Variants in NEGR1 observed in about 807,000 individuals in gnomAD.
NEGR1 encodes IgLON family member 4.
A neutral mutation model predicts 40.9 loss-of-function variants in NEGR1; 10 were observed. The observed-to-expected ratio is 0.24, with a 90% confidence interval of 0.15 to 0.42. The LOEUF (loss-of-function observed/expected upper bound fraction) is 0.42, where lower values mean the gene tolerates loss of function less well. Among genes scored for constraint, NEGR1 ranks in the 10% least tolerant of loss-of-function variants. The probability of loss-of-function intolerance (pLI) is 1.00; values close to 1 mark genes in which losing one functional copy is unlikely to be tolerated. For missense variants in NEGR1, 352 were observed against 438.9 expected, an observed-to-expected ratio of 0.80 and a Z score of 1.77; for synonymous variants, 185 against 166.8, an observed-to-expected ratio of 1.11 and a Z score of -0.84.
chr1:72,261,370 A>C (rs965625945), intron 1 of NEGR1, among the ~76,000 whole-genome samples: 1 of 152,066 alleles, frequency 6.6e-6, no homozygotes, highest in African/African-American at 2.4e-5. Flanking sequence ...TCTTCTAATA[A>C]ATGTATAAGC....
At chr1:71,524,734 T>C (rs1041158677) in intron 6 of NEGR1, among the ~76,000 whole-genome samples, 5 of 151,714 alleles carry the variant, frequency 3.3e-5, no homozygotes, top group African/African-American at 9.7e-5. Flanking sequence ...TAGCTGACTT[T>C]AAAATAGGTA....
chr1:72,149,934 AC>A (rs1453482722), intron 1 of NEGR1, among the ~76,000 whole-genome samples: 2 of 151,584 alleles, frequency 1.3e-5, no homozygotes, highest in Admixed American at 6.6e-5. Context: ...AGAAAAAAAA[AC>A]ACCAAGGACA....
In NEGR1 at chr1:72,044,659, A is replaced by T. The variant is rs1646985885; in HGVS notation, c.177-109348T>A. Reference sequence around the variant, plus strand: ...ATACTTTCATTCAGTGAAAAAACATAAACTCTGATATGATAAATTGTCCTA... The same window carrying T: ...ATACTTTCATTCAGTGAAAAAACATTAACTCTGATATGATAAATTGTCCTA... On this transcript the variant is annotated intron_variant, in intron 1 of 6. Transcript: ENST00000357731. Among the ~76,000 whole-genome samples the T allele has an allele frequency of 2.6e-5, 4 of 151,858 alleles. No individual in the cohort carries two copies. The South Asian group carries it at 8.3e-4, about 31-fold the overall frequency.
intron 1 of NEGR1, among the ~76,000 whole-genome samples, chr1:72,116,678 C>T (rs1208242140): frequency 6.6e-6 from 1 of 151,604 alleles, no homozygotes; most frequent in African/African-American, 2.4e-5. Flanking sequence ...TTTATTCTGA[C>T]TTACAGGTAA....
intron 6 of NEGR1, among the ~76,000 whole-genome samples, chr1:71,519,925 A>G (rs1647143417): frequency 6.6e-6 from 1 of 152,026 alleles, no homozygotes; most frequent in Non-Finnish European, 1.5e-5. Flanking sequence ...GGGGTTTTTA[A>G]AACTTTCTCA....
At chr1:71,684,798 G>T (rs1652972299) in intron 4 of NEGR1, among the ~76,000 whole-genome samples, 1 of 152,050 alleles carries the variant, frequency 6.6e-6, no homozygotes, top group Non-Finnish European at 1.5e-5. Context: ...TAATATGGTT[G>T]GCTTTCAATT....
chr1:72,016,772 G>A (rs904876762), intron 1 of NEGR1, among the ~76,000 whole-genome samples: 8 of 152,282 alleles, frequency 5.3e-5, no homozygotes, highest in South Asian at 2.1e-4. Context: ...TTTACCAGAC[G>A]TAATGAGCAG....
chr1:71,675,560 G>C (rs1424176594), intron 4 of NEGR1, among the ~76,000 whole-genome samples: 6 of 151,928 alleles, frequency 3.9e-5, no homozygotes, highest in African/African-American at 1.5e-4. Context: ...CAGAGAGAGA[G>C]AGAGACAGAG....
chr1:71,784,585 T>A (rs967598076), intron 2 of NEGR1, among the ~76,000 whole-genome samples: 1 of 152,120 alleles, frequency 6.6e-6, no homozygotes, highest in African/African-American at 2.4e-5. Context: ...ATGGTAGTGA[T>A]CAAGAAGAGA....
chr1:71,975,681 C>A (rs1044474092), intron 1 of NEGR1, among the ~76,000 whole-genome samples: 4 of 152,172 alleles, frequency 2.6e-5, no homozygotes, highest in African/African-American at 9.7e-5. Flanking sequence ...GCATCCCATA[C>A]CCTCTTCACT....
intron 1 of NEGR1, among the ~76,000 whole-genome samples, chr1:72,129,997 A>T (rs529646844): frequency 6.6e-6 from 1 of 152,268 alleles, no homozygotes; most frequent in East Asian, 1.9e-4. Context: ...TACACTTCTT[A>T]ACCCAGGTTC....
At position 71,948,692 on chromosome 1, in the gene NEGR1, T is replaced by C. The variant is rs150502352; in HGVS notation, c.177-13381A>G. 6.4e-3 allele frequency among the ~76,000 whole-genome samples: 981 copies of C among 152,218 alleles called. 31 individuals are homozygous for C. Among genetic ancestry groups the C allele is most frequent in the East Asian group, 0.058 (297 of 5,164 alleles). ...GAATCTCCCCACATATCGATGCCTCTCTTGCTAGAGGATCCATCCAGCAGC... is the reference window on the plus strand; with the variant it reads ...GAATCTCCCCACATATCGATGCCTCCCTTGCTAGAGGATCCATCCAGCAGC... On this transcript the variant is annotated intron_variant, in intron 1 of 6. Coordinates refer to ENST00000357731, the MANE Select transcript of NEGR1 (RefSeq NM_173808.3).
At chr1:71,660,153 G>A (rs1478867209) in intron 4 of NEGR1, among the ~76,000 whole-genome samples, 2 of 152,162 alleles carry the variant, frequency 1.3e-5, no homozygotes, top group Non-Finnish European at 2.9e-5. Context: ...CATAAAAAAA[G>A]AACGAGATCA....
intron 4 of NEGR1, among the ~76,000 whole-genome samples, chr1:71,677,426 CTTTAA>C (rs754458220): frequency 1.9e-4 from 29 of 152,204 alleles, no homozygotes; most frequent in Non-Finnish European, 3.8e-4. Flanking sequence ...TGATATTGAA[CTTTAA>C]TTTGAGTTGC....
At chr1:72,162,292 A>AAAAAAAAATAAAAAT (rs149586363) in intron 1 of NEGR1, among the ~76,000 whole-genome samples, 5 of 144,772 alleles carry the variant, frequency 3.5e-5, no homozygotes, top group Non-Finnish European at 6.0e-5. Flanking sequence ...CCTCTACTAA[A>AAAAAAAAATAAAAAT]AAAAAATAAA....
chr1:71,975,322 T>A (rs1213518921), intron 1 of NEGR1, among the ~76,000 whole-genome samples: 1 of 152,196 alleles, frequency 6.6e-6, no homozygotes, highest in Admixed American at 6.5e-5. Context: ...TATTTCCCCA[T>A]CTTTTACAGT....
chr1:72,175,206 T>G (rs1018885669), intron 1 of NEGR1, among the ~76,000 whole-genome samples: 11 of 152,126 alleles, frequency 7.2e-5, no homozygotes, highest in African/African-American at 2.7e-4. Context: ...ATAAAGTTCT[T>G]TTAAATATAA....
chr1:71,612,299 C>T (rs1650288925), intron 4 of NEGR1, among the ~76,000 whole-genome samples: 3 of 152,214 alleles, frequency 2.0e-5, no homozygotes, highest in Admixed American at 2.0e-4. Context: ...ATTTCCTTTT[C>T]AGTTCCTTGA....
At chr1:71,732,909 G>T (rs556151778) in intron 3 of NEGR1, among the ~76,000 whole-genome samples, 2 of 151,948 alleles carry the variant, frequency 1.3e-5, no homozygotes, top group Non-Finnish European at 2.9e-5. Context: ...AATGTTTTTC[G>T]ATTTTCAAAT....
Sources: gnomAD v4.1 joint callset for allele counts (sites outside exome capture counted in the v4.1 genomes callset) on GRCh38, gnomAD v4.1.1 for gene constraint, MANE v1.5 for transcripts, NCBI Gene and HGNC (gene_info 2026-07-23, HGNC 2026-07-21) for gene names.